The following PTPRR variants were observed in gnomAD, a reference collection of about 807,000 sequenced individuals.
The protein encoded by PTPRR is receptor-type tyrosine-protein phosphatase R.
Under a neutral mutation model 77.2 loss-of-function variants are expected in PTPRR, and 38 were observed. The ratio of observed to expected loss-of-function variants is 0.49; its 90% CI spans 0.38 to 0.65. The LOEUF (loss-of-function observed/expected upper bound fraction) is 0.65. PTPRR is among the 30% of genes least tolerant of loss of function. The pLI, the probability that PTPRR is intolerant of heterozygous loss-of-function variation, is 0.00. For missense variants in PTPRR, 744 were observed against 799.2 expected, an observed-to-expected ratio of 0.93 and a Z score of 0.83; for synonymous variants, 299 against 283.1, an observed-to-expected ratio of 1.06 and a Z score of -0.57.
intron 6 of PTPRR, among the ~76,000 whole-genome samples, chr12:70,722,554 G>A (rs181508761): frequency 7.9e-5 from 12 of 152,194 alleles, no homozygotes; most frequent in East Asian, 3.9e-4. Flanking sequence ...GGAGGGACGC[G>A]GAGGTCATCC....
intron 2 of PTPRR, 51 bp from the exon 3 acceptor site, chr12:70,764,829 G>T: frequency 7.5e-7 from 1 of 1,336,556 alleles, no homozygotes; most frequent in Non-Finnish European, 1.1e-6. Flanking sequence ...AATTTGTATA[G>T]ATGTATAGAA....
intron 2 of PTPRR, among the ~76,000 whole-genome samples, chr12:70,773,596 G>A (rs1214028284): frequency 6.6e-6 from 1 of 152,108 alleles, no homozygotes; most frequent in Non-Finnish European, 1.5e-5. Context: ...CAGTGGTAAA[G>A]TCTTGGTGAG....
At chr12:70,804,111 G>T (rs2137023303) in intron 2 of PTPRR, among the ~76,000 whole-genome samples, 1 of 147,150 alleles carries the variant, frequency 6.8e-6, no homozygotes, top group South Asian at 2.2e-4. Flanking sequence ...TGCCCTCAAT[G>T]CCTGTCTTGT....
intron 6 of PTPRR, among the ~76,000 whole-genome samples, chr12:70,714,945 A>G (rs917610888): frequency 1.3e-5 from 2 of 152,172 alleles, no homozygotes; most frequent in Admixed American, 6.5e-5. Flanking sequence ...TGATCACGCT[A>G]CTGCACTCCA....
At chr12:70,722,008 C>T (rs1364719776) in intron 6 of PTPRR, among the ~76,000 whole-genome samples, 13 of 152,110 alleles carry the variant, frequency 8.5e-5, no homozygotes, top group Admixed American at 8.5e-4. Context: ...AACAAACTAG[C>T]AGAGTTTGTT....
At chr12:70,639,632 G>T in intron 13 of PTPRR, 1 of 454,218 alleles carries the variant, frequency 2.2e-6, no homozygotes, top group Non-Finnish European at 3.0e-6. Context: ...TATGCATCTT[G>T]GACAAATTCC....
intron 2 of PTPRR, among the ~76,000 whole-genome samples, chr12:70,864,723 C>G (rs557283725): frequency 1.3e-5 from 2 of 152,044 alleles, no homozygotes; most frequent in East Asian, 1.9e-4. Flanking sequence ...GTGGGAGGGA[C>G]CTGGTGAGAG....
intron 2 of PTPRR, among the ~76,000 whole-genome samples, chr12:70,799,089 A>G (rs911985542): frequency 2.0e-5 from 3 of 152,138 alleles, no homozygotes; most frequent in African/African-American, 4.8e-5. Context: ...AAACCCCTCA[A>G]TCAGAGAAAG....
intron 13 of PTPRR, among the ~76,000 whole-genome samples, chr12:70,645,641 C>T (rs1886168801): frequency 6.6e-6 from 1 of 152,152 alleles, no homozygotes; most frequent in South Asian, 2.1e-4. Flanking sequence ...TTTCTTTGTG[C>T]CCACAGACTA....
chr12:70,661,495 C>G (rs895283643), intron 11 of PTPRR, among the ~76,000 whole-genome samples: 1 of 152,122 alleles, frequency 6.6e-6, no homozygotes, highest in African/African-American at 2.4e-5. Context: ...ACATGTTAAT[C>G]AATAGAACAC....
chr12:70,912,486 A>T (rs142318818), intron 1 of PTPRR, among the ~76,000 whole-genome samples: 3,303 of 152,308 alleles, frequency 0.022, 60 homozygotes, highest in Non-Finnish European at 0.035. Flanking sequence ...AAAAGGAAAT[A>T]AAAAATAAAA....
chr12:70,901,745 T>A (rs1036015762), intron 1 of PTPRR, among the ~76,000 whole-genome samples: 1 of 151,734 alleles, frequency 6.6e-6, no homozygotes, highest in Non-Finnish European at 1.5e-5. Context: ...AAAAGAAAGA[T>A]AAATAGTTGG....
At chr12:70,748,933 A>G (rs1245062230) in intron 5 of PTPRR, among the ~76,000 whole-genome samples, 1 of 152,200 alleles carries the variant, frequency 6.6e-6, no homozygotes, top group African/African-American at 2.4e-5. Context: ...CTGGGAATTC[A>G]TAGGCTTCCA....
intron 2 of PTPRR, among the ~76,000 whole-genome samples, chr12:70,883,434 G>A (rs1289088536): frequency 6.6e-6 from 1 of 152,152 alleles, no homozygotes; most frequent in Non-Finnish European, 1.5e-5. Flanking sequence ...ACCTAAGTGT[G>A]CATAATATCT....
intron 6 of PTPRR, among the ~76,000 whole-genome samples, chr12:70,722,885 C>G (rs1889309166): frequency 6.6e-6 from 1 of 152,130 alleles, no homozygotes; most frequent in Non-Finnish European, 1.5e-5. Flanking sequence ...CAAGAAAATT[C>G]ACATTTTCAA....
chr12:70,854,972 C>T (rs989301685), intron 2 of PTPRR, among the ~76,000 whole-genome samples: 4 of 152,150 alleles, frequency 2.6e-5, no homozygotes, highest in Non-Finnish European at 5.9e-5. Context: ...CAAATATCTT[C>T]TAGGGTCAGA....
chr12:70,775,788 C>CTT (rs56736782), intron 2 of PTPRR, among the ~76,000 whole-genome samples: 1 of 148,716 alleles, frequency 6.7e-6, no homozygotes, highest in African/African-American at 2.5e-5. Context: ...CCCCCCAACC[C>CTT]TTTTTTTTTT....
intron 8 of PTPRR, among the ~76,000 whole-genome samples, chr12:70,696,770 C>T (rs1888247544): frequency 6.6e-6 from 1 of 152,042 alleles, no homozygotes; most frequent in South Asian, 2.1e-4. Flanking sequence ...AGTCATTCTC[C>T]ATATCCCCTA....
intron 2 of PTPRR, among the ~76,000 whole-genome samples, chr12:70,877,752 C>T (rs1037065914): frequency 6.6e-6 from 1 of 152,056 alleles, no homozygotes; most frequent in Non-Finnish European, 1.5e-5. Context: ...AAAACTACTT[C>T]AAAGTTCATA....
Sources: gnomAD v4.1 joint callset for allele counts (sites outside exome capture counted in the v4.1 genomes callset) on GRCh38, gnomAD v4.1.1 for gene constraint, MANE v1.5 for transcripts, NCBI Gene and HGNC (gene_info 2026-07-23, HGNC 2026-07-21) for gene names.